The following IL1RAPL2 variants were observed in gnomAD, a reference collection of about 807,000 sequenced individuals.
The protein encoded by IL1RAPL2 is interleukin 1 receptor accessory protein like 2, also known as X-linked interleukin-1 receptor accessory protein-like 2.
IL1RAPL2 carries 3 observed loss-of-function variants against 44.1 expected under a neutral mutation model. The ratio of observed to expected loss-of-function variants is 0.07; its 90% CI spans 0.03 to 0.18. IL1RAPL2 has a LOEUF of 0.18. IL1RAPL2 is among the 10% of genes least tolerant of loss of function. The pLI, the probability that IL1RAPL2 is intolerant of heterozygous loss-of-function variation, is 1.00. For missense variants in IL1RAPL2, 391 were observed against 496.4 expected, an observed-to-expected ratio of 0.79 and a Z score of 2.02; for synonymous variants, 181 against 178.8, an observed-to-expected ratio of 1.01 and a Z score of -0.10.
rs189808168 is a variant in IL1RAPL2 at position 105,695,728 on chromosome X, A to T, written c.773-21639A>T. On this transcript the variant is annotated intron_variant, in intron 6 of 10. Coordinates refer to ENST00000372582, the MANE Select transcript of IL1RAPL2 (RefSeq NM_017416.2). ...CCATATCATTTAGTCATCACAAAAC[A>T]TTGTACAATAGATACTACTACCTTC... Among the ~76,000 whole-genome samples the T allele has an allele frequency of 3.5e-3, 385 of 111,480 alleles. 6 individuals carry two copies. Among genetic ancestry groups the T allele is most frequent in the African/African-American group, 0.012 (375 of 30,719 alleles).
At chrX:104,767,113 G>A (rs951623236) in intron 2 of IL1RAPL2, among the ~76,000 whole-genome samples, 7 of 111,814 alleles carry the variant, frequency 6.3e-5, no homozygotes, top group Non-Finnish European at 1.3e-4. Flanking sequence ...TGAAAACCTA[G>A]TACATTTCAG....
intron 2 of IL1RAPL2, among the ~76,000 whole-genome samples, chrX:105,128,478 C>T (rs1569388448): frequency 9.0e-6 from 1 of 111,030 alleles, no homozygotes; most frequent in South Asian, 3.7e-4. Flanking sequence ...GCTATGTACA[C>T]TTCTCTGCAC....
intron 2 of IL1RAPL2, among the ~76,000 whole-genome samples, chrX:104,718,980 C>G (rs1228074051): frequency 8.9e-6 from 1 of 111,746 alleles, no homozygotes; most frequent in Non-Finnish European, 1.9e-5. Flanking sequence ...TTTACAAAAA[C>G]ACATAGTGGG....
intron 2 of IL1RAPL2, among the ~76,000 whole-genome samples, chrX:104,722,765 C>T (rs956953747): frequency 1.8e-5 from 2 of 111,344 alleles, no homozygotes; most frequent in African/African-American, 3.3e-5. Flanking sequence ...ATGTGATGTA[C>T]GAGTTGTCTG....
At chrX:105,234,821 AAAG>A (rs1556199833) in intron 4 of IL1RAPL2, among the ~76,000 whole-genome samples, 5 of 106,518 alleles carry the variant, frequency 4.7e-5, no homozygotes, top group Non-Finnish European at 9.5e-5. Flanking sequence ...AAAAAAAAAA[AAAG>A]AAGAGAGTTG....
chrX:104,706,266 A>G (rs1307696944), intron 2 of IL1RAPL2, among the ~76,000 whole-genome samples: 1 of 111,906 alleles, frequency 8.9e-6, no homozygotes, highest in East Asian at 2.8e-4. Flanking sequence ...TCATATGTTC[A>G]TTATTTTATG....
chrX:104,967,339 A>G (rs766456538), intron 2 of IL1RAPL2, among the ~76,000 whole-genome samples: 2 of 111,498 alleles, frequency 1.8e-5, no homozygotes, highest in Non-Finnish European at 3.8e-5. Context: ...CATATTGGAC[A>G]TTAGAAAATA....
At chrX:104,666,515 C>T (rs1930489610) in intron 2 of IL1RAPL2, among the ~76,000 whole-genome samples, 1 of 111,711 alleles carries the variant, frequency 9.0e-6, no homozygotes. Context: ...ATAATTGAGC[C>T]TTCTATTAAT....
rs376887095 is a variant in IL1RAPL2, at chrX:105,345,716, T to G, written c.697+78175T>G. ...TTCCTCGTTCCTCCAGATGTTACCA[T>G]CTTCTTTTCATGCCCAGGGATATAC... On this transcript the variant is annotated intron_variant, in intron 5 of 10. Transcript: ENST00000372582. Among the ~76,000 whole-genome samples, 581 of 111,656 alleles carry G rather than the reference T, an allele frequency of 5.2e-3. 6 individuals are homozygous for G. The highest frequency in any genetic ancestry group is 0.018 in the African/African-American group (547 of 30,723).
At chrX:105,314,693 T>C (rs1363024556) in intron 5 of IL1RAPL2, among the ~76,000 whole-genome samples, 1 of 111,688 alleles carries the variant, frequency 9.0e-6, no homozygotes, top group Non-Finnish European at 1.9e-5. Flanking sequence ...CAGGATAAGG[T>C]CAGTAAGCCA....
chrX:104,815,009 C>T (rs752863464), intron 2 of IL1RAPL2, among the ~76,000 whole-genome samples: 2 of 111,926 alleles, frequency 1.8e-5, no homozygotes, highest in Non-Finnish European at 3.8e-5. Context: ...ATGGCAAGTG[C>T]GGAGCAAGGA....
intron 5 of IL1RAPL2, chrX:105,405,564 G>A (rs2035636971): frequency 1.5e-6 from 1 of 652,675 alleles, no homozygotes; most frequent in Non-Finnish European, 2.3e-6. Flanking sequence ...GTGGAGGGAG[G>A]GGAAGGGCGA....
chrX:105,551,518 G>A (rs1200255098), intron 6 of IL1RAPL2, among the ~76,000 whole-genome samples: 1 of 111,046 alleles, frequency 9.0e-6, no homozygotes, highest in Non-Finnish European at 1.9e-5. Context: ...TCTCAAAGCA[G>A]CAGCCTGAAA....
At chrX:105,568,781 T>C (rs973956080) in intron 6 of IL1RAPL2, among the ~76,000 whole-genome samples, 4 of 112,167 alleles carry the variant, frequency 3.6e-5, no homozygotes, top group African/African-American at 9.7e-5. Flanking sequence ...TGGCAATTCA[T>C]TGAATTCTCA....
At chrX:104,874,071 G>A (rs1436409875) in intron 2 of IL1RAPL2, among the ~76,000 whole-genome samples, 2 of 110,331 alleles carry the variant, frequency 1.8e-5, no homozygotes, top group Non-Finnish European at 3.8e-5. Context: ...CAGGATACAG[G>A]AAAGTGAATA....
At chrX:105,342,041 C>T (rs1039367844) in intron 5 of IL1RAPL2, among the ~76,000 whole-genome samples, 23 of 108,355 alleles carry the variant, frequency 2.1e-4, no homozygotes, top group Middle Eastern at 4.7e-3. Context: ...CCATCATTCT[C>T]GGTAAACTAT....
chrX:104,914,670 G>C (rs952009221), intron 2 of IL1RAPL2, among the ~76,000 whole-genome samples: 6 of 110,392 alleles, frequency 5.4e-5, no homozygotes, highest in Non-Finnish European at 1.1e-4. Flanking sequence ...CACCCATTAA[G>C]TCGTCATTTA....
intron 2 of IL1RAPL2, among the ~76,000 whole-genome samples, chrX:104,920,886 T>A (rs1247391804): frequency 9.0e-6 from 1 of 110,616 alleles, no homozygotes; most frequent in East Asian, 2.9e-4. Flanking sequence ...CTGCACACTC[T>A]GACCAGATCT....
At chrX:105,744,026 C>T (rs1235805246) in intron 8 of IL1RAPL2, among the ~76,000 whole-genome samples, 1 of 111,949 alleles carries the variant, frequency 8.9e-6, no homozygotes, top group East Asian at 2.8e-4. Flanking sequence ...GAAAACATGC[C>T]TTGCTTTAAA....
Sources: allele counts gnomAD v4.1 joint callset (sites outside exome capture counted in the v4.1 genomes callset), GRCh38; gene constraint gnomAD v4.1.1; transcripts MANE v1.5; gene names NCBI Gene and HGNC (gene_info 2026-07-23, HGNC 2026-07-21).